Variants in MICU3 observed in about 807,000 individuals in gnomAD.
MICU3 encodes calcium uptake protein 3, mitochondrial.
MICU3 carries 62 observed loss-of-function variants against 66.5 expected under a neutral mutation model. The observed-to-expected ratio is 0.93, with a 90% CI of 0.76 to 1.15. The LOEUF is 1.15. MICU3 is among the 50% of genes most tolerant of loss of function. MICU3 has a pLI of 0.00. For missense variants in MICU3, 779 were observed against 664.4 expected (o/e 1.17, Z -1.90); for synonymous variants, 308 against 240.7 (o/e 1.28, Z -2.59).
chr8:17,113,277 T>A (rs1421627450), intron 11 of MICU3, among the ~76,000 whole-genome samples: 5 of 152,250 alleles, frequency 3.3e-5, no homozygotes. Flanking sequence ...TGCTCTTCTC[T>A]CTGTTCTCTT....
chr8:17,064,287 C>G lies in MICU3; in HGVS notation c.535+50C>G, dbSNP rs750057130. ...TAATAATTGTATAATTTTTTTATCT[C>G]TAGCTTGTGAATGGATGGAGCAGTA... On this transcript the variant is annotated intron_variant, in intron 2 of 14. Coordinates refer to ENST00000318063, the MANE Select transcript of MICU3 (RefSeq NM_181723.3). 6 of 1,475,612 alleles carry G rather than the reference C, an allele frequency of 4.1e-6. 1 individual carries two copies. The South Asian group carries it at 5.2e-5, about 13-fold the overall frequency. The allele number at this position is 1,475,612 out of a possible 1,614,324, so 91.4% of individuals were successfully genotyped here. A position where few individuals can be genotyped will look rare whatever the true frequency, so the allele number is the denominator to read the frequency against.
chr8:17,126,052 A>AT (rs1172588594), downstream of MICU3, among the ~76,000 whole-genome samples: 1 of 147,580 alleles, frequency 6.8e-6, no homozygotes, highest in Non-Finnish European at 1.5e-5. Context: ...AAAAAAAAAA[A>AT]CCTCTCTCTG....
At chr8:17,047,110 G>C (rs1048053717) in intron 1 of MICU3, among the ~76,000 whole-genome samples, 1 of 152,092 alleles carries the variant, frequency 6.6e-6, no homozygotes, top group Admixed American at 6.6e-5. Context: ...AGGATAATTT[G>C]GTTGAGTCTG....
chr8:17,034,968 A>G (rs1285483272), intron 1 of MICU3, among the ~76,000 whole-genome samples: 1 of 152,234 alleles, frequency 6.6e-6, no homozygotes, highest in Non-Finnish European at 1.5e-5. Context: ...AATAACACAC[A>G]TATGTCATGA....
chr8:17,041,029 G>A (rs758116333), intron 1 of MICU3, among the ~76,000 whole-genome samples: 2 of 152,178 alleles, frequency 1.3e-5, no homozygotes, highest in African/African-American at 2.4e-5. Context: ...CTTTTGGACA[G>A]CTGAAGGTAA....
intron 1 of MICU3, among the ~76,000 whole-genome samples, chr8:17,056,219 G>T (rs1816899259): frequency 6.6e-6 from 1 of 152,158 alleles, no homozygotes; most frequent in South Asian, 2.1e-4. Context: ...TTCCTGAATG[G>T]AGGCTCCTCT....
In MICU3 at chr8:17,059,054, G is replaced by A. The variant is rs189067110; in HGVS notation, c.382-5030G>A. Reference sequence around the variant, plus strand: ...AATAGGCACACAGCAAGTACCTGTTGAATGAGTCAGTGAATTTACATTTGT... The same window carrying A: ...AATAGGCACACAGCAAGTACCTGTTAAATGAGTCAGTGAATTTACATTTGT... On this transcript the variant is annotated intron_variant, in intron 1 of 14. Coordinates refer to ENST00000318063, the MANE Select transcript of MICU3 (RefSeq NM_181723.3). Among the ~76,000 whole-genome samples, 5 of 152,268 alleles carry A rather than the reference G, an allele frequency of 3.3e-5. No individual in the cohort carries two copies. In the East Asian group the frequency reaches 9.6e-4, roughly 29 times the overall value.
chr8:17,063,783 T>G (rs1341923529), intron 1 of MICU3, among the ~76,000 whole-genome samples: 3 of 152,138 alleles, frequency 2.0e-5, no homozygotes, highest in Non-Finnish European at 4.4e-5. Context: ...GCTCCATAAT[T>G]TAATGTTCTT....
chr8:17,095,906 A>G (rs1388603715), intron 8 of MICU3, among the ~76,000 whole-genome samples: 1 of 151,998 alleles, frequency 6.6e-6, no homozygotes, highest in Non-Finnish European at 1.5e-5. Context: ...TACAAAGTGT[A>G]AGAAAGTTCT....
At chr8:17,076,333 C>T (rs756119490) in intron 3 of MICU3, among the ~76,000 whole-genome samples, 14 of 152,236 alleles carry the variant, frequency 9.2e-5, no homozygotes, top group Middle Eastern at 3.4e-3. Context: ...CTGAGTCCCA[C>T]CCAGAATGTT....
intron 3 of MICU3, among the ~76,000 whole-genome samples, chr8:17,076,629 G>T (rs1820425939): frequency 6.6e-6 from 1 of 152,190 alleles, no homozygotes; most frequent in Admixed American, 6.5e-5. Flanking sequence ...TGCTAGCTCA[G>T]CTTTGCAGTT....
chr8:17,050,335 T>TA (rs1242700699), intron 1 of MICU3, among the ~76,000 whole-genome samples: 1 of 151,632 alleles, frequency 6.6e-6, no homozygotes, highest in Non-Finnish European at 1.5e-5. Context: ...TATTTAATAT[T>TA]ATATTTAGGA....
At chr8:17,137,513 CTT>C in the MICU3 span, among the ~76,000 whole-genome samples, 82 of 119,004 alleles carry the variant, frequency 6.9e-4, 1 homozygote, top group African/African-American at 2.6e-3. Flanking sequence ...CTATTTCCTG[CTT>C]TTTTTTAAAA....
intron 8 of MICU3, among the ~76,000 whole-genome samples, chr8:17,094,290 T>C (rs1372429424): frequency 6.6e-6 from 1 of 152,064 alleles, no homozygotes; most frequent in Non-Finnish European, 1.5e-5. Context: ...TGTGATCCCA[T>C]TACATTGTCG....
chr8:17,050,603 A>T (rs975235261), intron 1 of MICU3, among the ~76,000 whole-genome samples: 2 of 152,112 alleles, frequency 1.3e-5, no homozygotes, highest in Non-Finnish European at 2.9e-5. Context: ...GATCTATTCA[A>T]GTCTCAGCCA....
chr8:17,081,677 A>T lies in MICU3; in HGVS notation c.647-16A>T, dbSNP rs1266478417. Reference sequence around the variant, plus strand: ...ACAATATTTTATATATATAACTGATACTATTTTTCTTGTAGGTGTGATTTC... The same window carrying T: ...ACAATATTTTATATATATAACTGATTCTATTTTTCTTGTAGGTGTGATTTC... On this transcript the variant is annotated splice_polypyrimidine_tract_variant and intron_variant, in intron 4 of 14. Coordinates refer to ENST00000318063, the MANE Select transcript of MICU3 (RefSeq NM_181723.3). 2 of 788,574 alleles carry T rather than the reference A, an allele frequency of 2.5e-6. No individual in the cohort carries two copies. Among genetic ancestry groups the T allele is most frequent in the African/African-American group, 1.8e-5 (1 of 55,862 alleles). The allele number at this position is 788,574 out of a possible 1,614,324, so 48.8% of individuals were successfully genotyped here.
intron 14 of MICU3, among the ~76,000 whole-genome samples, chr8:17,119,655 T>G (rs1017115290): frequency 6.6e-6 from 1 of 152,080 alleles, no homozygotes; most frequent in Non-Finnish European, 1.5e-5. Flanking sequence ...TTAAGAAATA[T>G]CATAATAAAA....
chr8:17,115,951 T>G (rs1363714283), intron 12 of MICU3, among the ~76,000 whole-genome samples: 1 of 152,216 alleles, frequency 6.6e-6, no homozygotes, highest in African/African-American at 2.4e-5. Context: ...ATTGTCCTTT[T>G]GTGTTCAGCT....
chr8:17,039,231 A>T (rs1813607862), intron 1 of MICU3, among the ~76,000 whole-genome samples: 2 of 152,220 alleles, frequency 1.3e-5, no homozygotes, highest in South Asian at 4.1e-4. Flanking sequence ...TTTTATATGC[A>T]CTGGGAAACC....
Sources: allele counts gnomAD v4.1 joint callset (sites outside exome capture counted in the v4.1 genomes callset), GRCh38; gene constraint gnomAD v4.1.1; transcripts MANE v1.5; gene names NCBI Gene and HGNC (gene_info 2026-07-23, HGNC 2026-07-21).